Variants in CFAP299 observed in about 807,000 individuals in gnomAD.
CFAP299 encodes cilia and flagella associated protein 299.
In CFAP299, 21 loss-of-function variants were observed where a neutral mutation model predicts 27.0. The observed-to-expected ratio is 0.78, with a 90% CI of 0.55 to 1.12. The LOEUF (loss-of-function observed/expected upper bound fraction) is 1.12. Among genes scored for constraint, CFAP299 ranks in the 50% most tolerant of loss-of-function variants. The probability of loss-of-function intolerance (pLI) is 0.00; values close to 1 mark genes in which losing one functional copy is unlikely to be tolerated. For missense variants in CFAP299, 310 were observed against 276.6 expected (o/e 1.12, Z -0.86); for synonymous variants, 104 against 98.1 (o/e 1.06, Z -0.36).
At chr4:80,667,391 A>C (rs940673792) in intron 3 of CFAP299, among the ~76,000 whole-genome samples, 1 of 152,168 alleles carries the variant, frequency 6.6e-6, no homozygotes, top group Non-Finnish European at 1.5e-5. Context: ...ACAGATTATT[A>C]TAAACTATAG....
intron 2 of CFAP299, among the ~76,000 whole-genome samples, chr4:80,573,729 T>C (rs1031695127): frequency 1.3e-5 from 2 of 152,130 alleles, no homozygotes; most frequent in Non-Finnish European, 2.9e-5. Context: ...ATTTCCCTAA[T>C]ATATATTCTT....
intron 3 of CFAP299, among the ~76,000 whole-genome samples, chr4:80,711,637 G>C (rs914880783): frequency 7.0e-4 from 106 of 152,248 alleles, no homozygotes; most frequent in African/African-American, 2.4e-3. Flanking sequence ...CTTGTGAGTA[G>C]CAGGGCCAGG....
intron 2 of CFAP299, among the ~76,000 whole-genome samples, chr4:80,577,151 A>G (rs1296025145): frequency 6.6e-6 from 1 of 152,204 alleles, no homozygotes; most frequent in Non-Finnish European, 1.5e-5. Context: ...GTGAGCCTTC[A>G]TTATAGTGAA....
chr4:80,546,183 G>C (rs997419792), intron 2 of CFAP299, among the ~76,000 whole-genome samples: 1 of 152,108 alleles, frequency 6.6e-6, no homozygotes, highest in Non-Finnish European at 1.5e-5. Flanking sequence ...TTGAGAACTG[G>C]AGCATGACAA....
intron 3 of CFAP299, among the ~76,000 whole-genome samples, chr4:80,800,544 ATATATCAATATAT>A (rs1560419331): frequency 4.6e-4 from 20 of 43,514 alleles, no homozygotes; most frequent in African/African-American, 7.3e-4. Flanking sequence ...ATAATATATA[ATATATCAATATAT>A]TATATAATAT....
At chr4:80,594,692 G>C (rs1290216105) in intron 3 of CFAP299, among the ~76,000 whole-genome samples, 2 of 151,902 alleles carry the variant, frequency 1.3e-5, no homozygotes. Context: ...TGCTTTGCTT[G>C]TTTTAAAATT....
chr4:80,800,479 T>G (rs1229348826), intron 3 of CFAP299, among the ~76,000 whole-genome samples: 2 of 5,346 alleles, frequency 3.7e-4, no homozygotes, highest in East Asian at 6.3e-3. Context: ...TATAATATAT[T>G]ATATAATATA....
intron 3 of CFAP299, among the ~76,000 whole-genome samples, chr4:80,730,248 C>CTGTGTG (rs34594345): frequency 2.8e-3 from 368 of 130,870 alleles, no homozygotes; most frequent in South Asian, 5.2e-3. Context: ...CTCTCTCTCT[C>CTGTGTG]TGTGTGTGTG....
At chr4:80,842,150 A>G (rs1445562566) in intron 3 of CFAP299, among the ~76,000 whole-genome samples, 1 of 152,082 alleles carries the variant, frequency 6.6e-6, no homozygotes, top group Non-Finnish European at 1.5e-5. Flanking sequence ...AAAGCAAATT[A>G]CACACAGATG....
At chr4:80,884,953 G>T (rs997126680) in intron 4 of CFAP299, among the ~76,000 whole-genome samples, 1 of 152,172 alleles carries the variant, frequency 6.6e-6, no homozygotes, top group African/African-American at 2.4e-5. Flanking sequence ...AAAGAAGCAT[G>T]GAAGAGGCTC....
chr4:80,410,663 C>T (rs1186426097), intron 2 of CFAP299, among the ~76,000 whole-genome samples: 1 of 152,150 alleles, frequency 6.6e-6, no homozygotes, highest in Non-Finnish European at 1.5e-5. Flanking sequence ...AATGATCATT[C>T]AAGAAATTAT....
intron 2 of CFAP299, among the ~76,000 whole-genome samples, chr4:80,511,850 T>C (rs1732320807): frequency 6.6e-6 from 1 of 152,168 alleles, no homozygotes; most frequent in Non-Finnish European, 1.5e-5. Context: ...TTTAAAGTTA[T>C]ATTAACTTAA....
intron 2 of CFAP299, among the ~76,000 whole-genome samples, chr4:80,377,950 G>A (rs1407397514): frequency 1.3e-5 from 2 of 152,070 alleles, no homozygotes; most frequent in Non-Finnish European, 2.9e-5. Flanking sequence ...AGCAAAGGTG[G>A]AAACCCCTGA....
intron 4 of CFAP299, among the ~76,000 whole-genome samples, chr4:80,888,480 T>C (rs1734081819): frequency 6.6e-6 from 1 of 151,992 alleles, no homozygotes; most frequent in South Asian, 2.1e-4. Context: ...ATAAAGCAAA[T>C]ATTATTAGAG....
At chr4:80,733,941 T>C (rs1578071535) in intron 3 of CFAP299, among the ~76,000 whole-genome samples, 1 of 152,130 alleles carries the variant, frequency 6.6e-6, no homozygotes, top group African/African-American at 2.4e-5. Context: ...AGTACAGATA[T>C]CTCTTTGATG....
chr4:80,869,794 G>T (rs1732973396), intron 3 of CFAP299, among the ~76,000 whole-genome samples, 199 bp from the exon 4 acceptor site: 1 of 152,226 alleles, frequency 6.6e-6, no homozygotes, highest in Admixed American at 6.5e-5. Flanking sequence ...TTACAGGCGT[G>T]AGCCACGTGC....
intron 2 of CFAP299, among the ~76,000 whole-genome samples, chr4:80,401,749 A>G (rs1030573082): frequency 1.6e-4 from 24 of 152,170 alleles, no homozygotes; most frequent in African/African-American, 5.8e-4. Flanking sequence ...GAGGGCAACC[A>G]TCCTCCAGTT....
At chr4:80,842,471 A>G (rs1730916520) in intron 3 of CFAP299, among the ~76,000 whole-genome samples, 1 of 152,136 alleles carries the variant, frequency 6.6e-6, no homozygotes, top group Non-Finnish European at 1.5e-5. Context: ...ACGCCTCTTA[A>G]ATCACAGTTT....
intron 4 of CFAP299, among the ~76,000 whole-genome samples, chr4:80,937,757 T>C (rs35093073): frequency 0.079 from 12,011 of 152,238 alleles, 554 homozygotes; most frequent in Middle Eastern, 0.18. Flanking sequence ...TGAGGACTTT[T>C]TATTGCCATT....
Sources: allele counts gnomAD v4.1 joint callset (sites outside exome capture counted in the v4.1 genomes callset), GRCh38; gene constraint gnomAD v4.1.1; transcripts MANE v1.5; gene names NCBI Gene and HGNC (gene_info 2026-07-23, HGNC 2026-07-21).